Variants in THSD7B observed in about 807,000 individuals in gnomAD.
THSD7B encodes thrombospondin type 1 domain containing 7B.
A neutral mutation model predicts 213.6 loss-of-function variants in THSD7B; 138 were observed. That is an observed-to-expected ratio of 0.65 (90% CI 0.56 to 0.74). THSD7B has a LOEUF of 0.74. Ranked by LOEUF, THSD7B falls within the 30% of genes least tolerant of loss-of-function variation. The pLI, the probability that THSD7B is intolerant of heterozygous loss-of-function variation, is 0.00. For missense variants in THSD7B, 1,931 were observed against 1,991.5 expected (o/e 0.97, Z 0.58); for synonymous variants, 742 against 687.0 (o/e 1.08, Z -1.25).
chr2:136,942,363 GT>G (rs901100925), intron 2 of THSD7B, among the ~76,000 whole-genome samples: 59 of 151,700 alleles, frequency 3.9e-4, no homozygotes, highest in Middle Eastern at 3.4e-3. Flanking sequence ...CTTTAAAGCA[GT>G]TTTTTTTTCC....
At chr2:137,609,139 G>T (rs1052703425) in intron 17 of THSD7B, among the ~76,000 whole-genome samples, 1 of 152,118 alleles carries the variant, frequency 6.6e-6, no homozygotes, top group African/African-American at 2.4e-5. Context: ...CCCTTGCAAA[G>T]CTTGCGTTGT....
intron 15 of THSD7B, among the ~76,000 whole-genome samples, chr2:137,519,121 G>A (rs545770754): frequency 6.6e-5 from 10 of 152,172 alleles, no homozygotes; most frequent in Middle Eastern, 3.4e-3. Flanking sequence ...GTGTGGTGGC[G>A]TGCGCCTATA....
chr2:137,538,137 A>T (rs181528018), intron 15 of THSD7B, among the ~76,000 whole-genome samples: 21 of 151,816 alleles, frequency 1.4e-4, no homozygotes, highest in Admixed American at 1.2e-3. Context: ...TTCTTAGGGA[A>T]TTTGAGTTCA....
intron 2 of THSD7B, among the ~76,000 whole-genome samples, chr2:136,990,543 C>T (rs111492651): frequency 0.015 from 2,246 of 152,188 alleles, 61 homozygotes; most frequent in African/African-American, 0.049. Context: ...CATTACAGGA[C>T]GTGCAGCAGA....
intron 27 of THSD7B, among the ~76,000 whole-genome samples, chr2:137,669,518 A>T (rs1683518995): frequency 6.6e-6 from 1 of 152,196 alleles, no homozygotes; most frequent in Non-Finnish European, 1.5e-5. Flanking sequence ...ACAAATGTGA[A>T]TTTGAAAGCT....
intron 12 of THSD7B, among the ~76,000 whole-genome samples, chr2:137,399,046 T>A (rs1385461089): frequency 2.0e-5 from 3 of 152,052 alleles, no homozygotes; most frequent in Non-Finnish European, 4.4e-5. Context: ...GCGCACCCAC[T>A]GACCTGCGCC....
intron 19 of THSD7B, among the ~76,000 whole-genome samples, chr2:137,620,128 G>A (rs550630438): frequency 1.3e-5 from 2 of 152,292 alleles, no homozygotes; most frequent in South Asian, 2.1e-4. Flanking sequence ...CCATCGTTAC[G>A]ACCATGATTG....
At chr2:137,645,823 T>C (rs1683019717) in intron 21 of THSD7B, among the ~76,000 whole-genome samples, 2 of 152,192 alleles carry the variant, frequency 1.3e-5, no homozygotes, top group African/African-American at 4.8e-5. Flanking sequence ...CAGTAAAACA[T>C]ACACCTAGAC....
intron 17 of THSD7B, among the ~76,000 whole-genome samples, chr2:137,596,719 C>T (rs1342252623): frequency 1.3e-5 from 2 of 151,838 alleles, no homozygotes; most frequent in South Asian, 2.1e-4. Context: ...CCTCCTCCCC[C>T]CTCCTCTTCC....
chr2:137,351,326 A>C (rs1439839594), intron 12 of THSD7B, among the ~76,000 whole-genome samples: 1 of 152,002 alleles, frequency 6.6e-6, no homozygotes, highest in Non-Finnish European at 1.5e-5. Context: ...AATACGTTTA[A>C]TATATTTTTG....
At chr2:136,896,936 A>C (rs1033372942) in intron 2 of THSD7B, among the ~76,000 whole-genome samples, 1 of 144,698 alleles carries the variant, frequency 6.9e-6, no homozygotes, top group Non-Finnish European at 1.5e-5. Flanking sequence ...TACTATATAC[A>C]TATATACATA....
At chr2:137,294,380 C>T (rs1341146868) in intron 12 of THSD7B, among the ~76,000 whole-genome samples, 3 of 151,718 alleles carry the variant, frequency 2.0e-5, no homozygotes, top group African/African-American at 4.8e-5. Context: ...GTCAAGAGTT[C>T]GAGACCAGCC....
chr2:137,546,376 AATATATATATT>A (rs1680713846), intron 15 of THSD7B, among the ~76,000 whole-genome samples: 1 of 44,366 alleles, frequency 2.3e-5, no homozygotes, highest in African/African-American at 1.1e-4. Flanking sequence ...ATATATATAT[AATATATATATT>A]ATATATATTA....
intron 1 of THSD7B, among the ~76,000 whole-genome samples, chr2:136,793,144 T>C (rs547986912): frequency 1.2e-4 from 18 of 152,216 alleles, no homozygotes; most frequent in African/African-American, 4.1e-4. Flanking sequence ...GTTTAACTTT[T>C]AAGAAACTGC....
At chr2:137,007,626 A>G (rs994150309) in intron 2 of THSD7B, among the ~76,000 whole-genome samples, 18 of 152,204 alleles carry the variant, frequency 1.2e-4, no homozygotes, top group African/African-American at 3.9e-4. Flanking sequence ...TACTTGGACC[A>G]TTGACTGTTG....
At chr2:137,066,246 C>T (rs1240117403) in intron 3 of THSD7B, among the ~76,000 whole-genome samples, 6 of 136,702 alleles carry the variant, frequency 4.4e-5, no homozygotes, top group African/African-American at 1.4e-4. Flanking sequence ...GTCTGGAGTG[C>T]GGTGGCATAA....
intron 9 of THSD7B, among the ~76,000 whole-genome samples, chr2:137,235,625 CA>C (rs1681747016): frequency 6.6e-6 from 1 of 152,110 alleles, no homozygotes; most frequent in East Asian, 1.9e-4. Flanking sequence ...TCAGCTTACT[CA>C]AATGTTAAAG....
intron 20 of THSD7B, among the ~76,000 whole-genome samples, chr2:137,639,449 G>A (rs1281083412): frequency 6.6e-6 from 1 of 152,228 alleles, no homozygotes; most frequent in Non-Finnish European, 1.5e-5. Context: ...CCCCTCTAGG[G>A]CAGTGCAGAA....
intron 5 of THSD7B, among the ~76,000 whole-genome samples, chr2:137,116,794 G>A (rs1311323552): frequency 6.6e-6 from 1 of 152,166 alleles, no homozygotes; most frequent in African/African-American, 2.4e-5. Flanking sequence ...TGCTTACATA[G>A]TGTGGGGGTA....
Sources: allele counts gnomAD v4.1 joint callset (sites outside exome capture counted in the v4.1 genomes callset), GRCh38; gene constraint gnomAD v4.1.1; transcripts MANE v1.5; gene names NCBI Gene and HGNC (gene_info 2026-07-23, HGNC 2026-07-21).